RBM25: variants seen among roughly 807,000 people sequenced by gnomAD.
RBM25 encodes the protein RNA-binding protein 25.
Under a neutral mutation model 120.7 loss-of-function variants are expected in RBM25, and 19 were observed. That is an observed-to-expected ratio of 0.16 (90% CI 0.11 to 0.23). RBM25 has a LOEUF of 0.23. RBM25 is among the 10% of genes least tolerant of loss of function. The pLI, the probability that RBM25 is intolerant of heterozygous loss-of-function variation, is 1.00. For synonymous variants in RBM25, 390 were observed against 326.7 expected (o/e 1.19, Z -2.09); for missense variants, 605 against 1,041.5 (o/e 0.58, Z 5.77).
At chr14:73,107,236 G>A (rs901566532) in intron 12 of RBM25, 10 of 152,234 alleles carry the variant, frequency 6.6e-5, no homozygotes, top group African/African-American at 1.9e-4. Context: ...TTATTGTAGC[G>A]TAGCGTATAT....
chr14:73,115,487 C>T (rs913051922), intron 18 of RBM25, among the ~76,000 whole-genome samples: 10 of 152,126 alleles, frequency 6.6e-5, no homozygotes, highest in African/African-American at 2.4e-4. Context: ...CATCCATGTC[C>T]CTGTAAAGGA....
chr14:73,101,311 A>G (rs1455724326), intron 9 of RBM25: 1 of 152,460 alleles, frequency 6.6e-6, no homozygotes, highest in African/African-American at 2.4e-5. Context: ...CTGTCAGGGT[A>G]TCAGCGTGGC....
At chr14:73,095,890 TGCACAACTATTGTA>T (rs1031183061) in intron 6 of RBM25, among the ~76,000 whole-genome samples, 46 of 152,330 alleles carry the variant, frequency 3.0e-4, no homozygotes, top group East Asian at 9.6e-4. Context: ...CTTTGGGGCA[TGCACAACTATTGTA>T]GCACAACTAT....
At position 73,106,264 on chromosome 14, in the gene RBM25, A is replaced by T. The variant is rs369149413; in HGVS notation, c.1446A>T (p.Glu482Asp). Residue 482 changes from glutamate (E) to aspartate (D), a missense_variant, in exon 12 of 19, where the codon GAA becomes GAT. Around this residue, in one of 4 missense-constraint regions of RBM25, gnomAD observed 465 missense variants for 741.6 expected, o/e 0.63. Transcript: ENST00000261973. ...AATATGAGAAAGAAGCTGAAAGAGA[A>T]GAAGAAAGAAGAAGAGAAATGGTAA... ...TREYEKEAEREEERRREMAKE... is the reference protein window; with the variant it reads ...TREYEKEAERDEERRREMAKE... 9.4e-6 allele frequency: 15 copies of T among 1,595,710 alleles called. No homozygotes were observed. The highest frequency in any genetic ancestry group is 1.3e-5 in the Non-Finnish European group (15 of 1,174,444).
intron 10 of RBM25, among the ~76,000 whole-genome samples, chr14:73,104,663 G>C: frequency 6.6e-6 from 1 of 151,946 alleles, no homozygotes; most frequent in East Asian, 1.9e-4. Context: ...CACCATGCCC[G>C]GCCTTATATT....
intron 7 of RBM25, among the ~76,000 whole-genome samples, chr14:73,097,428 T>A (rs1895972366): frequency 6.6e-6 from 1 of 152,080 alleles, no homozygotes; most frequent in Non-Finnish European, 1.5e-5. Flanking sequence ...CTCAATCTCG[T>A]GACCTCGTGG....
intron 18 of RBM25, among the ~76,000 whole-genome samples, chr14:73,116,374 C>A (rs1488200644): frequency 4.6e-5 from 7 of 152,132 alleles, no homozygotes; most frequent in African/African-American, 1.4e-4. Context: ...CCAGAGATGT[C>A]AGGGAGGGAC....
At chr14:73,107,606 T>G in intron 12 of RBM25, 3 of 480,636 alleles carry the variant, frequency 6.2e-6, no homozygotes, top group Non-Finnish European at 1.1e-5. Flanking sequence ...ACATATACAT[T>G]TATAAATATG....
intron 1 of RBM25, among the ~76,000 whole-genome samples, chr14:73,070,453 A>C (rs1435927730): frequency 6.9e-6 from 1 of 145,838 alleles, no homozygotes; most frequent in Non-Finnish European, 1.5e-5. Flanking sequence ...AAAAAAAAAA[A>C]CTATGACTTT....
chr14:73,095,653 A>G (rs1244338662), intron 6 of RBM25, among the ~76,000 whole-genome samples: 1 of 152,144 alleles, frequency 6.6e-6, no homozygotes. Context: ...AAGAAATAAA[A>G]TGTTTGTTGA....
chr14:73,087,879 G>T, intron 5 of RBM25, 122 bp from the exon 6 acceptor site: 1 of 900,374 alleles, frequency 1.1e-6, no homozygotes, highest in Non-Finnish European at 1.6e-6. Flanking sequence ...GACAGGGGTG[G>T]AATTATGAAT....
Position 73,120,923 on chromosome 14 carries a change from T to C in RBM25, c.*1118T>C, listed in dbSNP as rs892730192. On this transcript the variant is annotated 3_prime_UTR_variant, in exon 19 of 19. Transcript: ENST00000261973. ...GTTACCAACCACTAACTATTTGTTTTCATTTTTGTCTTGTAGAAGGTTTAT... is the reference window on the plus strand; with the variant it reads ...GTTACCAACCACTAACTATTTGTTTCCATTTTTGTCTTGTAGAAGGTTTAT... 6.6e-6 allele frequency: 1 copy of C among 152,202 alleles called. No homozygotes were observed. The highest frequency in any genetic ancestry group is 2.4e-5 in the African/African-American group (1 of 41,458). The allele number at this position is 152,202 out of a possible 1,614,324, so 9.4% of individuals were successfully genotyped here. A position where few individuals can be genotyped will look rare whatever the true frequency, so the allele number is the denominator to read the frequency against.
In RBM25 at chr14:73,077,386, G is replaced by A; in HGVS notation, c.174G>A (p.Val58=). ...APAPTVLVPT[V]SMVGKHLGAR... ...CACCTTAGGTCTTAGTACCCACTGT[G>A]TCTATGGTTGGAAAGCATTTGGGCG... The change falls in exon 4 of 19, where the codon GTG becomes GTA. Residue 58 remains valine (V), a synonymous_variant. Transcript: ENST00000261973. 6.2e-7 allele frequency: 1 copy of A among 1,612,770 alleles called. No homozygotes were observed.
At chr14:73,109,637 C>A in intron 14 of RBM25, 145 bp downstream of exon 14, 2 of 742,808 alleles carry the variant, frequency 2.7e-6, no homozygotes, top group South Asian at 4.5e-5. Context: ...ATTAAAAATA[C>A]AAAAGATTAG....
At chr14:73,075,200 C>T (rs756396807) in intron 2 of RBM25, among the ~76,000 whole-genome samples, 18 of 151,894 alleles carry the variant, frequency 1.2e-4, no homozygotes, top group Non-Finnish European at 1.8e-4. Context: ...TTGCACCTGT[C>T]CCCCAGGCTG....
In RBM25 at chr14:73,122,590, T is replaced by G. The variant is rs576541173; in HGVS notation, c.*2785T>G. ...CTTGCCTGGCCAAAGCGTGAACATC[T>G]TAAGAACCAGTCTTGATCTGGCAAA... On this transcript the variant is annotated 3_prime_UTR_variant, in exon 19 of 19. Transcript: ENST00000261973. The G allele has an allele frequency of 6.6e-6, 1 of 152,324 alleles. No homozygotes were observed. Among genetic ancestry groups the G allele is most frequent in the African/African-American group, 2.4e-5 (1 of 41,572 alleles). 9.4% of individuals were successfully genotyped at this position (152,324 alleles called of 1,614,324 possible).
chr14:73,115,328 C>A (rs758287946), intron 18 of RBM25, among the ~76,000 whole-genome samples: 1 of 152,154 alleles, frequency 6.6e-6, no homozygotes, highest in Non-Finnish European at 1.5e-5. Flanking sequence ...CTCCTCCCAC[C>A]CTCTGCCCTA....
chr14:73,073,168 A>G (rs1432976460), intron 2 of RBM25, among the ~76,000 whole-genome samples: 6 of 152,110 alleles, frequency 3.9e-5, no homozygotes, highest in Non-Finnish European at 1.5e-5. Context: ...GGGTCAAGGT[A>G]TACTCCTGCC....
intron 1 of RBM25, among the ~76,000 whole-genome samples, chr14:73,059,896 G>A (rs1483281100): frequency 6.6e-6 from 1 of 152,132 alleles, no homozygotes. Context: ...GTTGGGGATT[G>A]AGAAAAACGT....
Sources: gnomAD v4.1 joint callset for allele counts (sites outside exome capture counted in the v4.1 genomes callset) on GRCh38, gnomAD v4.1.1 for gene constraint, gnomAD v4.1.1 regional missense constraint, MANE v1.5 for transcripts, NCBI Gene and HGNC (gene_info 2026-07-23, HGNC 2026-07-21) for gene names.